PHACTR2: variants seen among roughly 807,000 people sequenced by gnomAD.
The protein encoded by PHACTR2 is chromosome 6 open reading frame 56.
PHACTR2 carries 30 observed loss-of-function variants against 76.0 expected under a neutral mutation model. That is an observed-to-expected ratio of 0.39 (90% CI 0.30 to 0.54). The LOEUF is 0.54. PHACTR2 is among the 20% of genes least tolerant of loss of function. The probability of loss-of-function intolerance (pLI) is 0.61; values close to 1 mark genes in which losing one functional copy is unlikely to be tolerated. For missense variants in PHACTR2, 696 were observed against 781.1 expected (o/e 0.89, Z 1.30); for synonymous variants, 292 against 292.5 (o/e 1.00, Z 0.02).
At chr6:143,771,144 G>GTATATA (rs1185999309) in intron 6 of PHACTR2, among the ~76,000 whole-genome samples, 1 of 30,828 alleles carries the variant, frequency 3.2e-5, no homozygotes, top group Admixed American at 5.7e-4. Flanking sequence ...ATATATATAT[G>GTATATA]TATATATATA....
rs1779321372 is a variant in PHACTR2, at chr6:143,757,208, C to A, written c.455-3193C>A. ...TAATGAAAGTCTACCATAGGTGAGA[C>A]TCTACTAGGGGCCAGGAAAAGAGTA... is the stretch of plus-strand genomic sequence containing the variant. On this transcript the variant is annotated intron_variant, in intron 4 of 12. Transcript: ENST00000440869. The surrounding 1 kb of genome is among the most constrained non-coding windows in gnomAD (Gnocchi z 4.2). Among the ~76,000 whole-genome samples the A allele has an allele frequency of 6.6e-6, 1 of 152,170 alleles. No individual in the cohort carries two copies. The highest frequency in any genetic ancestry group is 1.5e-5 in the Non-Finnish European group (1 of 68,034).
chr6:143,550,724 A>G lies in PHACTR2; in HGVS notation c.217+13517A>G, dbSNP rs1775083713. On this transcript the variant is annotated intron_variant, in intron 1 of 11. Coordinates refer to the PHACTR2 transcript ENST00000367584. The surrounding 1 kb of genome is among the most constrained non-coding windows in gnomAD (Gnocchi z 4.8). Reference sequence around the variant, plus strand: ...GAGGCGGGAATAGATTTAAAAAAACAAACAACAACAAAAACAAACAAACAA... The same window carrying G: ...GAGGCGGGAATAGATTTAAAAAAACGAACAACAACAAAAACAAACAAACAA... 6.6e-6 allele frequency among the ~76,000 whole-genome samples: 1 copy of G among 151,966 alleles called. No individual in the cohort carries two copies. The highest frequency in any genetic ancestry group is 1.9e-4 in the East Asian group (1 of 5,190).
intron 2 of PHACTR2, among the ~76,000 whole-genome samples, chr6:143,728,276 A>C (rs1778623697): frequency 8.0e-6 from 1 of 125,538 alleles, no homozygotes; most frequent in East Asian, 2.3e-4. Flanking sequence ...GGAGTGCTGC[A>C]TAGATGCTTA....
rs1053175386 is a variant in PHACTR2 at position 143,717,288 on chromosome 6, A to G, written c.214+5105A>G. 2.6e-5 allele frequency among the ~76,000 whole-genome samples: 4 copies of G among 152,120 alleles called. No homozygotes were observed. In the East Asian group the frequency reaches 7.8e-4, roughly 29 times the overall value. On this transcript the variant is annotated intron_variant, in intron 2 of 12. Transcript: ENST00000440869. ...TAACATGTCTCTTCCTCCTGCAGAT[A>G]TTCTTGACTTTGATTCAGCACCAGC...
rs770231609 is a variant in PHACTR2 at position 143,783,263 on chromosome 6, C to T, written c.1690C>T (p.Arg564Cys). 3.7e-5 allele frequency: 59 copies of T among 1,605,778 alleles called. No individual in the cohort carries two copies. Among genetic ancestry groups the T allele is most frequent in the Non-Finnish European group, 4.4e-5 (52 of 1,173,244 alleles). Residue 564 changes from arginine (R) to cysteine (C), a missense_variant, in exon 10 of 13, where the codon CGC (arginine) becomes TGC (cysteine). This residue lies in a region of PHACTR2 where 236 missense variants were observed against 330.2 expected (regional missense o/e 0.71). Coordinates refer to ENST00000440869, the MANE Select transcript of PHACTR2 (RefSeq NM_001100164.2). The surrounding 1 kb of genome is among the most constrained non-coding windows in gnomAD (Gnocchi z 5.2). ...EEQEAKMELK[R>C]RLSRKLSLRP... is the part of the protein sequence containing the mutation. The stretch of plus-strand genomic sequence containing the variant: ...ACAAGAAGCAAAAATGGAACTTAAA[C>T]GCAGACTCAGCAGAAAGGTAATGAA...
At chr6:143,773,223 A>G (rs1348232980) in intron 7 of PHACTR2, among the ~76,000 whole-genome samples, 1 of 152,124 alleles carries the variant, frequency 6.6e-6, no homozygotes, top group Non-Finnish European at 1.5e-5. Context: ...AAAAAATAAT[A>G]ATAAAAAGAA....
rs1775757658 is a variant in PHACTR2 at position 143,596,424 on chromosome 6, T to C, written c.217+59217T>C. ...AGAGACACTCTTACTTATATTTGTA[T>C]CCCCAGATTGTTAGCAGAATATCAG... On this transcript the variant is annotated intron_variant, in intron 1 of 11. Coordinates refer to the PHACTR2 transcript ENST00000367584. This position sits in a 1 kb window ranked among gnomAD's most constrained non-coding sequence, Gnocchi z 4.6. Among the ~76,000 whole-genome samples the C allele has an allele frequency of 6.6e-6, 1 of 152,186 alleles. No individual in the cohort carries two copies. Among genetic ancestry groups the C allele is most frequent in the Non-Finnish European group, 1.5e-5 (1 of 68,032 alleles).
intron 12 of PHACTR2, among the ~76,000 whole-genome samples, chr6:143,814,696 C>T (rs746033656): frequency 6.6e-5 from 10 of 150,552 alleles, no homozygotes; most frequent in Non-Finnish European, 1.3e-4. Flanking sequence ...TCCGCCTCCT[C>T]GGTTCACGCC....
At chr6:143,588,453 G>GC (rs56668741) in intron 1 of PHACTR2, among the ~76,000 whole-genome samples, 106,765 of 151,964 alleles carry the variant, frequency 0.7, 37,903 homozygotes, top group Middle Eastern at 0.79. Context: ...CATTCTCAAA[G>GC]GTATGAGTGG....
At position 143,663,653 on chromosome 6, in the gene PHACTR2, T is replaced by G. The variant is rs1330910072; in HGVS notation, c.14-48363T>G. Among the ~76,000 whole-genome samples, 3 of 152,218 alleles carry G rather than the reference T, an allele frequency of 2.0e-5. No individual in the cohort carries two copies. Among genetic ancestry groups the G allele is most frequent in the Non-Finnish European group, 2.9e-5 (2 of 68,028 alleles). On this transcript the variant is annotated intron_variant, in intron 1 of 11. Coordinates refer to the PHACTR2 transcript ENST00000305766. The surrounding 1 kb of genome is among the most constrained non-coding windows in gnomAD (Gnocchi z 4.1). ...CATTGTTGTTTAGTTCTAAATATTT[T>G]ATGCTACAATTGGATTTTCTTGTGT...
rs911038069 is a variant in PHACTR2, at chr6:143,809,367, G to C, written c.1922+2234G>C. On this transcript the variant is annotated intron_variant, in intron 12 of 12. Transcript: ENST00000440869. The surrounding 1 kb of genome is among the most constrained non-coding windows in gnomAD (Gnocchi z 4.2). Reference sequence around the variant, plus strand: ...TTGTGGGGGTATTTTTTGTTTTTTTGTTTGTTTGTTTGTTTGTTTTTTTAG... The same window carrying C: ...TTGTGGGGGTATTTTTTGTTTTTTTCTTTGTTTGTTTGTTTGTTTTTTTAG... Among the ~76,000 whole-genome samples the C allele has an allele frequency of 6.6e-6, 1 of 151,604 alleles. No homozygotes were observed. Among genetic ancestry groups the C allele is most frequent in the Non-Finnish European group, 1.5e-5 (1 of 67,922 alleles).
chr6:143,652,524 C>A lies in PHACTR2; in HGVS notation c.13+44202C>A, dbSNP rs545380189. ...GCACGCTGTGTTTTTCCCTGTGAGA[C>A]GTGTGAATGCCTTGTGGATATTTGT... is the stretch of plus-strand genomic sequence containing the variant. On this transcript the variant is annotated intron_variant, in intron 1 of 11. Coordinates refer to the PHACTR2 transcript ENST00000305766. This position sits in a 1 kb window ranked among gnomAD's most constrained non-coding sequence, Gnocchi z 4.5. 6.6e-6 allele frequency among the ~76,000 whole-genome samples: 1 copy of A among 152,186 alleles called. No homozygotes were observed. Among genetic ancestry groups the A allele is most frequent in the African/African-American group, 2.4e-5 (1 of 41,438 alleles).
chr6:143,804,135 G>T (rs1776017217), intron 11 of PHACTR2, among the ~76,000 whole-genome samples: 1 of 152,188 alleles, frequency 6.6e-6, no homozygotes, highest in Non-Finnish European at 1.5e-5. Flanking sequence ...GAAGGGCTCG[G>T]CCCAGCAGTT....
chr6:143,702,354 G>A (rs539573622), intron 1 of PHACTR2, among the ~76,000 whole-genome samples: 7 of 152,156 alleles, frequency 4.6e-5, no homozygotes, highest in East Asian at 1.9e-4. Flanking sequence ...TGATCTGCCC[G>A]CCTCGTCCTC....
chr6:143,654,259 T>C lies in PHACTR2; in HGVS notation c.13+45937T>C, dbSNP rs1776809167. On this transcript the variant is annotated intron_variant, in intron 1 of 11. Transcript: ENST00000305766. The surrounding 1 kb of genome is among the most constrained non-coding windows in gnomAD (Gnocchi z 4.6). ...TTGATGGTGGAAATTTAAAATGATA[T>C]AGTCACTTTAGAAAACACTCTGGCA... Among the ~76,000 whole-genome samples the C allele has an allele frequency of 6.6e-6, 1 of 152,182 alleles. No individual in the cohort carries two copies. The highest frequency in any genetic ancestry group is 2.4e-5 in the African/African-American group (1 of 41,444).
At chr6:143,703,563 T>C (rs12195195) in intron 1 of PHACTR2, among the ~76,000 whole-genome samples, 35,345 of 152,166 alleles carry the variant, frequency 0.23, 4,252 homozygotes, top group East Asian at 0.37. Flanking sequence ...TTTCAATACA[T>C]TCTAATATAG....
At position 143,613,415 on chromosome 6, in the gene PHACTR2, T is replaced by G. The variant is rs191127254; in HGVS notation, c.13+5093T>G. Among the ~76,000 whole-genome samples the G allele has an allele frequency of 1.6e-3, 247 of 152,358 alleles. 1 individual carries two copies. The highest frequency in any genetic ancestry group is 5.7e-3 in the African/African-American group (238 of 41,590). ...CCAAAAGGAAAAATCAGTTCATATATAAACATAAAAGTACTGTGAAAGTGG... is the reference window on the plus strand; with the variant it reads ...CCAAAAGGAAAAATCAGTTCATATAGAAACATAAAAGTACTGTGAAAGTGG... On this transcript the variant is annotated intron_variant, in intron 1 of 11. Coordinates refer to the PHACTR2 transcript ENST00000305766.
In PHACTR2 at chr6:143,671,473, A is replaced by G. The variant is rs1212421434; in HGVS notation, c.14-40543A>G. ...CTTAAACATTATCTTCTCAGTGAGG[A>G]CAACTGTGAACACCACATGCCAGTC... On this transcript the variant is annotated intron_variant, in intron 1 of 11. Transcript: ENST00000305766. This position sits in a 1 kb window ranked among gnomAD's most constrained non-coding sequence, Gnocchi z 4.6. Among the ~76,000 whole-genome samples, 1 of 152,174 alleles carries G rather than the reference A, an allele frequency of 6.6e-6. No homozygotes were observed. The highest frequency in any genetic ancestry group is 1.5e-5 in the Non-Finnish European group (1 of 68,038).
chr6:143,628,944 T>G (rs1562252820), intron 1 of PHACTR2, among the ~76,000 whole-genome samples: 2 of 43,886 alleles, frequency 4.6e-5, no homozygotes, highest in East Asian at 3.8e-4. Flanking sequence ...TATATATATA[T>G]ATATATATAT....
Sources: allele counts gnomAD v4.1 joint callset (sites outside exome capture counted in the v4.1 genomes callset), GRCh38; gene constraint gnomAD v4.1.1; regional missense constraint gnomAD v4.1.1; non-coding constraint Gnocchi (gnomAD v3.1); transcripts MANE v1.5; gene names NCBI Gene and HGNC (gene_info 2026-07-23, HGNC 2026-07-21).